KDM4C: variants seen among roughly 807,000 people sequenced by gnomAD.
KDM4C encodes lysine demethylase 4C.
Under a neutral mutation model 129.3 loss-of-function variants are expected in KDM4C, and 81 were observed. The observed-to-expected ratio is 0.63, with a 90% confidence interval of 0.52 to 0.75. KDM4C has a LOEUF of 0.75. KDM4C is among the 30% of genes least tolerant of loss of function. The probability of loss-of-function intolerance (pLI) is 0.00; values close to 1 mark genes in which losing one functional copy is unlikely to be tolerated. For synonymous variants in KDM4C, 573 were observed against 456.1 expected, an observed-to-expected ratio of 1.26 and a Z score of -3.26; for missense variants, 1,457 against 1,304.0, an observed-to-expected ratio of 1.12 and a Z score of -1.81.
intron 1 of KDM4C, among the ~76,000 whole-genome samples, chr9:6,783,360 C>T (rs80047025): frequency 6.6e-6 from 1 of 152,112 alleles, no homozygotes; most frequent in African/African-American, 2.4e-5. Flanking sequence ...AGGACAGATT[C>T]GTTTTTATCC....
chr9:7,114,131 G>C (rs1838637354), intron 18 of KDM4C, among the ~76,000 whole-genome samples: 1 of 152,112 alleles, frequency 6.6e-6, no homozygotes, highest in Non-Finnish European at 1.5e-5. Flanking sequence ...AGAGGAGAGG[G>C]GCTGCTACCA....
chr9:6,734,182 G>T (rs1817445920), intron 1 of KDM4C, among the ~76,000 whole-genome samples: 1 of 151,236 alleles, frequency 6.6e-6, no homozygotes, highest in South Asian at 2.1e-4. Context: ...TTAATTTAGT[G>T]ATTAAATGCA....
chr9:7,144,734 G>A (rs143357341), intron 19 of KDM4C, among the ~76,000 whole-genome samples: 1 of 152,256 alleles, frequency 6.6e-6, no homozygotes. Context: ...TGCTCAGTCA[G>A]CTTGGGTGAA....
intron 17 of KDM4C, among the ~76,000 whole-genome samples, chr9:7,089,559 C>T (rs1281625473): frequency 6.6e-6 from 1 of 152,160 alleles, no homozygotes; most frequent in African/African-American, 2.4e-5. Context: ...ATCGCTGCAG[C>T]CTGCTCACAT....
intron 1 of KDM4C, among the ~76,000 whole-genome samples, chr9:6,735,661 G>A (rs1817504728): frequency 6.6e-6 from 1 of 152,152 alleles, no homozygotes; most frequent in African/African-American, 2.4e-5. Flanking sequence ...AAGACTGTGA[G>A]GCCTCCTCAC....
At chr9:6,842,477 G>C (rs934817902) in intron 4 of KDM4C, among the ~76,000 whole-genome samples, 4 of 151,786 alleles carry the variant, frequency 2.6e-5, no homozygotes, top group African/African-American at 9.7e-5. Context: ...TGGGATTACA[G>C]GCCCACACCA....
chr9:7,011,925 A>G (rs780008625), intron 13 of KDM4C, 46 bp downstream of exon 13: 4 of 1,465,214 alleles, frequency 2.7e-6, no homozygotes, highest in South Asian at 1.2e-5. Context: ...TCTGCCTTCC[A>G]TGTGACCACA....
rs530113522 is a variant in KDM4C, at chr9:6,782,870, G to T, written c.-17-10102G>T. ...TGGGAAAATCAGCAAAGACTCTTGG[G>T]GTGGTTGAAGAAAAGAACGACAGAA... On this transcript the variant is annotated intron_variant, in intron 1 of 21. Transcript: ENST00000381309. Among the ~76,000 whole-genome samples, 20 of 152,300 alleles carry T rather than the reference G, an allele frequency of 1.3e-4. No homozygotes were observed. In the East Asian group the frequency reaches 3.5e-3, roughly 26 times the overall value.
chr9:6,927,438 C>G (rs947720646), intron 8 of KDM4C, among the ~76,000 whole-genome samples: 26 of 152,258 alleles, frequency 1.7e-4, no homozygotes, highest in Admixed American at 5.9e-4. Flanking sequence ...CCTCTTTTTT[C>G]TAACATTTAT....
intron 17 of KDM4C, among the ~76,000 whole-genome samples, chr9:7,060,689 C>T (rs1831526636): frequency 6.6e-6 from 1 of 151,948 alleles, no homozygotes; most frequent in Non-Finnish European, 1.5e-5. Flanking sequence ...ACCATGTTGG[C>T]CAGGATGGTC....
At chr9:6,921,891 A>G (rs1821586074) in intron 8 of KDM4C, among the ~76,000 whole-genome samples, 1 of 152,012 alleles carries the variant, frequency 6.6e-6, no homozygotes, top group South Asian at 2.1e-4. Context: ...AGGTTCCATG[A>G]TCCTTTTCCC....
chr9:7,022,075 A>G (rs1563997843), intron 15 of KDM4C, among the ~76,000 whole-genome samples: 1 of 152,052 alleles, frequency 6.6e-6, no homozygotes, highest in Non-Finnish European at 1.5e-5. Flanking sequence ...TTATAATTTT[A>G]AGTTAGGCAA....
chr9:6,928,440 A>G (rs1431206138), intron 8 of KDM4C, among the ~76,000 whole-genome samples: 2 of 152,220 alleles, frequency 1.3e-5, no homozygotes, highest in African/African-American at 2.4e-5. Flanking sequence ...GAGATATAGT[A>G]GGTGCTGCTT....
intron 2 of KDM4C, among the ~76,000 whole-genome samples, chr9:6,799,711 G>T (rs1828562593): frequency 6.7e-6 from 1 of 150,308 alleles, no homozygotes; most frequent in Non-Finnish European, 1.5e-5. Flanking sequence ...TTTGATTGTG[G>T]ATATCTTTAT....
At chr9:6,835,047 C>G in intron 4 of KDM4C, 1 of 949,206 alleles carries the variant, frequency 1.1e-6, no homozygotes, top group Non-Finnish European at 1.7e-6. Context: ...GTGGCTACAG[C>G]TTCACCACCA....
At chr9:7,023,359 A>C (rs1825219582) in intron 15 of KDM4C, among the ~76,000 whole-genome samples, 1 of 152,086 alleles carries the variant, frequency 6.6e-6, no homozygotes, top group South Asian at 2.1e-4. Context: ...TTTATGATTC[A>C]ATCTTAGTAG....
chr9:7,173,338 C>T (rs1339564546), intron 21 of KDM4C, among the ~76,000 whole-genome samples: 1 of 152,176 alleles, frequency 6.6e-6, no homozygotes, highest in Non-Finnish European at 1.5e-5. Flanking sequence ...ATGACCAGGC[C>T]CTGCAACTGA....
chr9:7,086,357 G>GAACCAGC (rs1762871181), intron 17 of KDM4C, among the ~76,000 whole-genome samples: 1 of 152,264 alleles, frequency 6.6e-6, no homozygotes, highest in South Asian at 2.1e-4. Flanking sequence ...ACCAGCATCG[G>GAACCAGC]AATAGTTATT....
At chr9:6,724,149 A>C (rs1451914616) in intron 1 of KDM4C, 1 of 152,250 alleles carries the variant, frequency 6.6e-6, no homozygotes, top group African/African-American at 2.4e-5. Context: ...CCAGCAGGCT[A>C]TTCAGACTGA....
Sources: gnomAD v4.1 joint callset for allele counts (sites outside exome capture counted in the v4.1 genomes callset) on GRCh38, gnomAD v4.1.1 for gene constraint, MANE v1.5 for transcripts, NCBI Gene and HGNC (gene_info 2026-07-23, HGNC 2026-07-21) for gene names.